Variants in NAALADL2 observed in about 807,000 individuals in gnomAD.
NAALADL2 encodes the protein inactive N-acetylated-alpha-linked acidic dipeptidase-like protein 2.
A neutral mutation model predicts 87.2 loss-of-function variants in NAALADL2; 76 were observed. The ratio of observed to expected loss-of-function variants is 0.87; its 90% CI spans 0.72 to 1.05. The LOEUF is 1.05. Among genes scored for constraint, NAALADL2 ranks in the 50% least tolerant of loss-of-function variants. The probability of loss-of-function intolerance (pLI) is 0.00; values close to 1 mark genes in which losing one functional copy is unlikely to be tolerated. For missense variants in NAALADL2, 1,089 were observed against 945.8 expected (o/e 1.15, Z -1.99); for synonymous variants, 354 against 331.0 (o/e 1.07, Z -0.75).
intron 12 of NAALADL2, among the ~76,000 whole-genome samples, chr3:175,748,785 T>C (rs958432069): frequency 2.0e-5 from 3 of 152,026 alleles, no homozygotes; most frequent in African/African-American, 7.2e-5. Flanking sequence ...ATCATAATGA[T>C]AAGCAGTAAA....
chr3:174,998,372 T>C (rs773961330), intron 1 of NAALADL2, among the ~76,000 whole-genome samples: 5 of 152,212 alleles, frequency 3.3e-5, no homozygotes, highest in Non-Finnish European at 7.3e-5. Flanking sequence ...GAACACATTA[T>C]TTTAGATTTT....
intron 12 of NAALADL2, among the ~76,000 whole-genome samples, chr3:175,751,820 C>T (rs999436068): frequency 7.2e-5 from 11 of 151,974 alleles, no homozygotes; most frequent in Admixed American, 2.0e-4. Context: ...TGAAATTCAC[C>T]GTGCCTTAAG....
chr3:175,146,716 A>T (rs1347130862), intron 2 of NAALADL2, among the ~76,000 whole-genome samples: 2 of 152,136 alleles, frequency 1.3e-5, no homozygotes, highest in Non-Finnish European at 2.9e-5. Flanking sequence ...TTTCCCTTGT[A>T]ATTACTTGAC....
At chr3:175,214,607 C>T (rs1418909543) in intron 2 of NAALADL2, among the ~76,000 whole-genome samples, 1 of 125,718 alleles carries the variant, frequency 8.0e-6, no homozygotes, top group Non-Finnish European at 1.8e-5. Flanking sequence ...ATCAGAAAAC[C>T]ATTTTTTTCT....
chr3:174,852,101 C>T (rs1725322930), intron 3 of NAALADL2, among the ~76,000 whole-genome samples: 1 of 152,030 alleles, frequency 6.6e-6, no homozygotes, highest in African/African-American at 2.4e-5. Flanking sequence ...CAAAACAGAA[C>T]CACAGCTAGT....
intron 1 of NAALADL2, among the ~76,000 whole-genome samples, chr3:175,086,387 AT>A (rs1346247324): frequency 2.8e-4 from 43 of 152,120 alleles, no homozygotes; most frequent in Admixed American, 1.3e-4. Context: ...ACATATATAA[AT>A]TTAAAAATAG....
At chr3:175,080,875 G>T (rs1580339229) in intron 1 of NAALADL2, among the ~76,000 whole-genome samples, 1 of 152,158 alleles carries the variant, frequency 6.6e-6, no homozygotes, top group South Asian at 2.1e-4. Context: ...ATTTTAAAGA[G>T]AAAAATATAA....
intron 1 of NAALADL2, among the ~76,000 whole-genome samples, chr3:174,504,096 A>C (rs1218729296): frequency 6.6e-6 from 1 of 152,120 alleles, no homozygotes; most frequent in Admixed American, 6.5e-5. Flanking sequence ...TATTGTAGGC[A>C]CTCAAAGGGG....
chr3:175,801,862 C>T (rs943337235), intron 13 of NAALADL2, among the ~76,000 whole-genome samples: 1 of 152,072 alleles, frequency 6.6e-6, no homozygotes, highest in Non-Finnish European at 1.5e-5. Flanking sequence ...TTTAGACTTT[C>T]CCAAATCAAA....
intron 2 of NAALADL2, among the ~76,000 whole-genome samples, chr3:174,677,320 A>G (rs1195562475): frequency 6.6e-6 from 1 of 151,940 alleles, no homozygotes; most frequent in Non-Finnish European, 1.5e-5. Flanking sequence ...TTCACTCAAC[A>G]TTATGTTCCT....
intron 13 of NAALADL2, among the ~76,000 whole-genome samples, chr3:175,802,336 G>T (rs909454030): frequency 2.0e-5 from 3 of 150,110 alleles, no homozygotes; most frequent in Non-Finnish European, 1.5e-5. Flanking sequence ...TTTGGGGGGG[G>T]ACAATTTTGC....
intron 1 of NAALADL2, among the ~76,000 whole-genome samples, chr3:174,460,553 C>A (rs1034089518): frequency 3.9e-5 from 6 of 151,928 alleles, no homozygotes; most frequent in African/African-American, 1.4e-4. Flanking sequence ...CTACCTAGAG[C>A]AGCAATGTTA....
intron 3 of NAALADL2, among the ~76,000 whole-genome samples, chr3:175,252,001 T>G (rs1749149673): frequency 6.6e-6 from 1 of 152,236 alleles, no homozygotes; most frequent in South Asian, 2.1e-4. Flanking sequence ...ACATGTACTA[T>G]TTAGAGAAGA....
intron 5 of NAALADL2, among the ~76,000 whole-genome samples, chr3:175,445,730 C>T (rs1720582782): frequency 1.3e-5 from 2 of 152,106 alleles, no homozygotes; most frequent in South Asian, 4.1e-4. Flanking sequence ...TCTTGCACAA[C>T]TTTTGGTCCC....
intron 3 of NAALADL2, among the ~76,000 whole-genome samples, chr3:175,249,544 A>T (rs1158876769): frequency 6.6e-6 from 1 of 152,096 alleles, no homozygotes; most frequent in Non-Finnish European, 1.5e-5. Flanking sequence ...TATTGATCAT[A>T]TTATTTCTCT....
At position 175,233,911 on chromosome 3, in the gene NAALADL2, T is replaced by C. The variant is rs1745398705; in HGVS notation, c.546-20T>C. ...AGTATTCTCCTTTTTAAAAAAGTTT[T>C]CTTTTCAAATTTATTTCAGAAATTT... On this transcript the variant is annotated intron_variant, in intron 2 of 13. Coordinates refer to ENST00000454872, the MANE Select transcript of NAALADL2 (RefSeq NM_207015.3). 1 of 1,456,236 alleles carries C rather than the reference T, an allele frequency of 6.9e-7. No homozygotes were observed. The highest frequency in any genetic ancestry group is 9.5e-7 in the Non-Finnish European group (1 of 1,056,004). The allele number at this position is 1,456,236 out of a possible 1,614,324, so 90.2% of individuals were successfully genotyped here. A position where few individuals can be genotyped will look rare whatever the true frequency, so the allele number is the denominator to read the frequency against.
intron 5 of NAALADL2, among the ~76,000 whole-genome samples, chr3:175,374,234 C>A (rs1024189308): frequency 2.0e-5 from 3 of 151,680 alleles, no homozygotes; most frequent in Non-Finnish European, 4.4e-5. Context: ...ATCATAAATA[C>A]GTTTTCTTAT....
intron 2 of NAALADL2, among the ~76,000 whole-genome samples, chr3:174,687,716 G>C (rs1728177120): frequency 6.6e-6 from 1 of 152,050 alleles, no homozygotes; most frequent in Admixed American, 6.6e-5. Flanking sequence ...TGGTTTGGCT[G>C]TATCCCCACC....
intron 3 of NAALADL2, among the ~76,000 whole-genome samples, chr3:174,815,467 C>G (rs1174342039): frequency 2.0e-5 from 3 of 152,096 alleles, no homozygotes; most frequent in African/African-American, 7.2e-5. Flanking sequence ...CTGTCTCACC[C>G]AGGCTGGAGT....
Sources: gnomAD v4.1 joint callset for allele counts (sites outside exome capture counted in the v4.1 genomes callset) on GRCh38, gnomAD v4.1.1 for gene constraint, MANE v1.5 for transcripts, NCBI Gene and HGNC (gene_info 2026-07-23, HGNC 2026-07-21) for gene names.